The following IFT80 variants were observed in gnomAD, a reference collection of about 807,000 sequenced individuals.
IFT80 encodes intraflagellar transport protein 80 homolog.
In IFT80, 79 loss-of-function variants were observed where a neutral mutation model predicts 107.9. That is an observed-to-expected ratio of 0.73 (90% CI 0.61 to 0.88). The LOEUF is 0.88. IFT80 is among the 40% of genes least tolerant of loss of function. The pLI is 0.00. For synonymous variants in IFT80, 299 were observed against 300.9 expected (o/e 0.99, Z 0.07); for missense variants, 797 against 914.2 (o/e 0.87, Z 1.65).
intron 8 of IFT80, among the ~76,000 whole-genome samples, chr3:160,345,551 A>T (rs549530006): frequency 2.0e-5 from 3 of 151,986 alleles, no homozygotes; most frequent in Non-Finnish European, 4.4e-5. Flanking sequence ...CTTAGTAGCC[A>T]GGTATGGTGG....
chr3:160,368,359 C>CAAAAAAAAAAA (rs56031662), intron 5 of IFT80, among the ~76,000 whole-genome samples: 1 of 90,638 alleles, frequency 1.1e-5, no homozygotes, highest in African/African-American at 4.1e-5. Context: ...AGACCCAGTC[C>CAAAAAAAAAAA]AAAAAAAAAA....
At chr3:160,312,942 TAA>T (rs1300540370) in intron 9 of IFT80, among the ~76,000 whole-genome samples, 17 of 45,940 alleles carry the variant, frequency 3.7e-4, no homozygotes, top group African/African-American at 1.9e-3. Context: ...TAATATATAA[TAA>T]ATATATATTA....
chr3:160,379,330 T>C (rs972073408), intron 3 of IFT80, among the ~76,000 whole-genome samples: 3 of 152,216 alleles, frequency 2.0e-5, no homozygotes, highest in Admixed American at 1.3e-4. Context: ...TGTTATCCTA[T>C]ACCAGCAAAA....
chr3:160,357,956 A>G (rs1721212573), intron 6 of IFT80, among the ~76,000 whole-genome samples: 1 of 152,172 alleles, frequency 6.6e-6, no homozygotes, highest in Non-Finnish European at 1.5e-5. Context: ...TCCTTCATAT[A>G]GCAGATTCCA....
intron 14 of IFT80, among the ~76,000 whole-genome samples, chr3:160,282,254 T>C (rs1213261398): frequency 6.6e-6 from 1 of 152,198 alleles, no homozygotes; most frequent in Non-Finnish European, 1.5e-5. Context: ...CACTCCAGCA[T>C]GGGTGACAGA....
chr3:160,261,883 G>T (rs1712870445), intron 19 of IFT80, among the ~76,000 whole-genome samples: 1 of 151,822 alleles, frequency 6.6e-6, no homozygotes, highest in Non-Finnish European at 1.5e-5. Context: ...GTGACATGCA[G>T]AAGTACACGG....
chr3:160,374,790 C>G (rs1409333590), intron 5 of IFT80, among the ~76,000 whole-genome samples: 1 of 152,164 alleles, frequency 6.6e-6, no homozygotes, highest in African/African-American at 2.4e-5. Context: ...ACATTTATTA[C>G]TAAAGTAACA....
At chr3:160,324,004 T>C (rs193222850) in intron 8 of IFT80, among the ~76,000 whole-genome samples, 7 of 152,268 alleles carry the variant, frequency 4.6e-5, no homozygotes, top group Admixed American at 4.6e-4. Context: ...CAAACACCTC[T>C]ACACAAATAA....
chr3:160,301,780 T>TG (rs1716446156), intron 11 of IFT80, among the ~76,000 whole-genome samples: 1 of 151,936 alleles, frequency 6.6e-6, no homozygotes, highest in South Asian at 2.1e-4. Flanking sequence ...TTGTACAAAA[T>TG]AATTCAAGCA....
At chr3:160,292,766 G>A (rs1304889972) in intron 12 of IFT80, among the ~76,000 whole-genome samples, 3 of 152,076 alleles carry the variant, frequency 2.0e-5, no homozygotes, top group Non-Finnish European at 4.4e-5. Flanking sequence ...CAGGGAGAGG[G>A]GGAGGAGAAA....
At chr3:160,355,603 C>T (rs7614701) in intron 8 of IFT80, among the ~76,000 whole-genome samples, 18,781 of 151,382 alleles carry the variant, frequency 0.12, 1,935 homozygotes, top group African/African-American at 0.28. Context: ...TAATTTCTTA[C>T]GCAAAATATG....
chr3:160,336,025 T>C (rs1559946546), intron 8 of IFT80, among the ~76,000 whole-genome samples: 2 of 152,218 alleles, frequency 1.3e-5, no homozygotes, highest in Non-Finnish European at 2.9e-5. Flanking sequence ...TTCTATTGTA[T>C]GGATAGAACA....
chr3:160,282,163 C>T (rs1168065615), intron 14 of IFT80, among the ~76,000 whole-genome samples: 3 of 152,078 alleles, frequency 2.0e-5, no homozygotes, highest in African/African-American at 7.2e-5. Flanking sequence ...TGACTGTAGT[C>T]CTAGCTACTT....
chr3:160,394,521 T>A (rs1037139135), intron 1 of IFT80, among the ~76,000 whole-genome samples: 2 of 152,210 alleles, frequency 1.3e-5, no homozygotes, highest in Non-Finnish European at 2.9e-5. Flanking sequence ...GCTGTGGTAT[T>A]TACATTTCCT....
intron 9 of IFT80, among the ~76,000 whole-genome samples, chr3:160,313,880 T>A (rs1717596334): frequency 6.6e-6 from 1 of 152,134 alleles, no homozygotes; most frequent in Non-Finnish European, 1.5e-5. Flanking sequence ...AGTGCTGGGA[T>A]GATAGGTGTG....
chr3:160,380,059 A>T, intron 3 of IFT80, among the ~76,000 whole-genome samples: 1 of 141,708 alleles, frequency 7.1e-6, no homozygotes, highest in Non-Finnish European at 1.5e-5. Flanking sequence ...TTTGAGACGG[A>T]GTCTTGCTCT....
At chr3:160,392,412 C>T (rs557422831) in intron 1 of IFT80, among the ~76,000 whole-genome samples, 115 of 152,304 alleles carry the variant, frequency 7.6e-4, no homozygotes, top group African/African-American at 2.6e-3. Context: ...TATTTGACAA[C>T]TCTATTTGAA....
At chr3:160,298,853 G>T (rs1716193360) in intron 12 of IFT80, among the ~76,000 whole-genome samples, 1 of 152,094 alleles carries the variant, frequency 6.6e-6, no homozygotes, top group African/African-American at 2.4e-5. Context: ...AATGGTATTT[G>T]TGTACCTAAC....
chr3:160,274,683 AATCCCAGTGCTTTG>A (rs1410092457), intron 18 of IFT80: 2 of 152,238 alleles, frequency 1.3e-5, no homozygotes, highest in East Asian at 3.8e-4. Context: ...CTACGTCTGT[AATCCCAGTGCTTTG>A]GGAGGCCAAG....
Sources: allele counts gnomAD v4.1 joint callset (sites outside exome capture counted in the v4.1 genomes callset), GRCh38; gene constraint gnomAD v4.1.1; transcripts MANE v1.5; gene names NCBI Gene and HGNC (gene_info 2026-07-23, HGNC 2026-07-21).